NCAM2: variants seen among roughly 807,000 people sequenced by gnomAD.
NCAM2 encodes the protein neural cell adhesion molecule 2, also known as N-CAM-2.
NCAM2 carries 30 observed loss-of-function variants against 98.1 expected under a neutral mutation model. The observed-to-expected ratio is 0.31, with a 90% CI of 0.23 to 0.41. The LOEUF (loss-of-function observed/expected upper bound fraction) is 0.41. NCAM2 is among the 10% of genes least tolerant of loss of function. The probability of loss-of-function intolerance (pLI) is 1.00; values close to 1 mark genes in which losing one functional copy is unlikely to be tolerated. For synonymous variants in NCAM2, 368 were observed against 342.4 expected, an observed-to-expected ratio of 1.07 and a Z score of -0.83; for missense variants, 867 against 1,005.8, an observed-to-expected ratio of 0.86 and a Z score of 1.87.
intron 1 of NCAM2, among the ~76,000 whole-genome samples, chr21:21,204,337 A>G (rs2069353088): frequency 6.6e-6 from 1 of 152,012 alleles, no homozygotes; most frequent in African/African-American, 2.4e-5. Flanking sequence ...GGATTTATTT[A>G]TGTGGTCATA....
chr21:21,283,856 G>T (rs2073010148), intron 2 of NCAM2, among the ~76,000 whole-genome samples: 1 of 151,824 alleles, frequency 6.6e-6, no homozygotes, highest in South Asian at 2.1e-4. Context: ...TGTATGTCTG[G>T]CTCAGCAGTC....
At chr21:21,344,952 G>C (rs1381028909) in intron 8 of NCAM2, among the ~76,000 whole-genome samples, 1 of 152,120 alleles carries the variant, frequency 6.6e-6, no homozygotes, top group African/African-American at 2.4e-5. Context: ...GTGTTTGGGA[G>C]AAAGTAAGGG....
intron 1 of NCAM2, among the ~76,000 whole-genome samples, chr21:21,051,852 A>G (rs1364055888): frequency 2.6e-5 from 4 of 152,134 alleles, no homozygotes; most frequent in Admixed American, 6.6e-5. Context: ...TCTGTAACTG[A>G]TATTTCTGAT....
At chr21:21,508,808 CTTTTTTT>C (rs764097299) in intron 15 of NCAM2, 36 bp from the exon 16 acceptor site, 138 of 413,186 alleles carry the variant, frequency 3.3e-4, no homozygotes, top group Middle Eastern at 1.8e-3. Flanking sequence ...ACTTTTTTTC[CTTTTTTT>C]TTTTTTTTTT....
intron 1 of NCAM2, among the ~76,000 whole-genome samples, chr21:21,090,642 G>T (rs2065993809): frequency 6.6e-6 from 1 of 152,064 alleles, no homozygotes; most frequent in African/African-American, 2.4e-5. Context: ...AAGTTGAAAC[G>T]ATTCGTTTCT....
chr21:21,513,213 A>G (rs1988503826), intron 16 of NCAM2, among the ~76,000 whole-genome samples: 1 of 151,898 alleles, frequency 6.6e-6, no homozygotes, highest in South Asian at 2.1e-4. Context: ...TACTAGCTTT[A>G]TTATTTATTT....
chr21:21,436,115 A>T (rs1978319095), intron 12 of NCAM2, among the ~76,000 whole-genome samples: 1 of 152,274 alleles, frequency 6.6e-6, no homozygotes, highest in Non-Finnish European at 1.5e-5. Flanking sequence ...GCTGACAGAA[A>T]TATGAAATGT....
chr21:21,144,709 C>A (rs1043695239), intron 1 of NCAM2, among the ~76,000 whole-genome samples: 3 of 152,220 alleles, frequency 2.0e-5, no homozygotes, highest in African/African-American at 7.2e-5. Context: ...ACCTCTGTTC[C>A]CAAATATCTG....
chr21:21,057,722 C>T (rs1421510128), intron 1 of NCAM2, among the ~76,000 whole-genome samples: 1 of 152,070 alleles, frequency 6.6e-6, no homozygotes, highest in Non-Finnish European at 1.5e-5. Flanking sequence ...AAAGACTTTC[C>T]TAAGGGCTGA....
chr21:21,096,435 G>A (rs78660668), intron 1 of NCAM2, among the ~76,000 whole-genome samples: 5,978 of 151,698 alleles, frequency 0.039, 150 homozygotes, highest in Non-Finnish European at 0.048. Flanking sequence ...TTTAAAATTC[G>A]TATCAAAGCA....
chr21:21,115,537 G>A (rs769903289), intron 1 of NCAM2, among the ~76,000 whole-genome samples: 4 of 152,120 alleles, frequency 2.6e-5, no homozygotes, highest in African/African-American at 9.7e-5. Context: ...TGGAAATGCA[G>A]CTTTCAAAGA....
At chr21:21,378,255 G>A (rs2148073938) in intron 9 of NCAM2, among the ~76,000 whole-genome samples, 1 of 151,790 alleles carries the variant, frequency 6.6e-6, no homozygotes, top group South Asian at 2.1e-4. Context: ...TTTTTGGGAG[G>A]AACTTTTATA....
chr21:21,486,158 G>C (rs2146293633), intron 15 of NCAM2, among the ~76,000 whole-genome samples: 1 of 152,008 alleles, frequency 6.6e-6, no homozygotes, highest in Non-Finnish European at 1.5e-5. Context: ...CAAAAAATTA[G>C]CCGGGCGTGG....
At chr21:21,065,853 G>A (rs1252188508) in intron 1 of NCAM2, among the ~76,000 whole-genome samples, 1 of 152,096 alleles carries the variant, frequency 6.6e-6, no homozygotes, top group Non-Finnish European at 1.5e-5. Context: ...AGACAAGGGA[G>A]TGTTCTATTT....
At chr21:21,408,026 T>G (rs1257214571) in intron 9 of NCAM2, among the ~76,000 whole-genome samples, 1 of 152,170 alleles carries the variant, frequency 6.6e-6, no homozygotes, top group Non-Finnish European at 1.5e-5. Flanking sequence ...ATGTACAGTT[T>G]AAAAAACACT....
chr21:21,361,802 A>G (rs1413539303), intron 8 of NCAM2, among the ~76,000 whole-genome samples: 1 of 152,168 alleles, frequency 6.6e-6, no homozygotes, highest in Non-Finnish European at 1.5e-5. Flanking sequence ...TCCCTCAATC[A>G]TCCCATTCTC....
chr21:21,066,969 G>A (rs1000607456), intron 1 of NCAM2, among the ~76,000 whole-genome samples: 2 of 151,880 alleles, frequency 1.3e-5, no homozygotes, highest in Admixed American at 6.6e-5. Context: ...TTACCTTAAT[G>A]TTAACTAAAT....
chr21:21,490,515 T>A (rs955256996), intron 15 of NCAM2, among the ~76,000 whole-genome samples: 5 of 151,952 alleles, frequency 3.3e-5, no homozygotes, highest in African/African-American at 4.8e-5. Flanking sequence ...TGTTACACAC[T>A]GTAAAGAATG....
chr21:21,338,830 A>G (rs1047232354), intron 8 of NCAM2, among the ~76,000 whole-genome samples: 2 of 152,136 alleles, frequency 1.3e-5, no homozygotes, highest in Non-Finnish European at 2.9e-5. Context: ...AAAGTATGTT[A>G]TTGCAGTTTT....
Sources: gnomAD v4.1 joint callset for allele counts (sites outside exome capture counted in the v4.1 genomes callset) on GRCh38, gnomAD v4.1.1 for gene constraint, MANE v1.5 for transcripts, NCBI Gene and HGNC (gene_info 2026-07-23, HGNC 2026-07-21) for gene names.